Variants in TMTC1 observed in about 807,000 individuals in gnomAD.
TMTC1 encodes protein O-mannosyl-transferase TMTC1.
Under a neutral mutation model 104.8 loss-of-function variants are expected in TMTC1, and 73 were observed. The observed-to-expected ratio is 0.70, with a 90% CI of 0.58 to 0.85. TMTC1 has a LOEUF of 0.85. Ranked by LOEUF, TMTC1 falls within the 40% of genes least tolerant of loss-of-function variation. TMTC1 has a pLI of 0.00. For missense variants in TMTC1, 1,035 were observed against 1,096.1 expected, an observed-to-expected ratio of 0.94 and a Z score of 0.79; for synonymous variants, 434 against 428.7, an observed-to-expected ratio of 1.01 and a Z score of -0.15.
intron 5 of TMTC1, among the ~76,000 whole-genome samples, chr12:29,685,949 A>AAAAAAAAT (rs1941079256): frequency 3.4e-5 from 5 of 147,104 alleles, no homozygotes; most frequent in Non-Finnish European, 1.5e-5. Context: ...AAAAAAAAAA[A>AAAAAAAAT]GGTGAGCCTG....
At chr12:29,556,736 G>A in intron 10 of TMTC1, 121 bp downstream of exon 10, 1 of 1,308,430 alleles carries the variant, frequency 7.6e-7, no homozygotes. Context: ...CCCAAAGTCT[G>A]AAAACCCTAA....
chr12:29,720,983 C>T (rs1483938525), intron 5 of TMTC1, among the ~76,000 whole-genome samples: 1 of 152,034 alleles, frequency 6.6e-6, no homozygotes, highest in African/African-American at 2.4e-5. Flanking sequence ...AGCTAGAAGA[C>T]AGAACACTGG....
intron 6 of TMTC1, among the ~76,000 whole-genome samples, chr12:29,609,663 C>A (rs1220724723): frequency 6.6e-6 from 1 of 152,234 alleles, no homozygotes; most frequent in African/African-American, 2.4e-5. Flanking sequence ...TCATCTTCAA[C>A]GTTCTAACTC....
At chr12:29,517,188 A>G (rs1944011794) in intron 14 of TMTC1, among the ~76,000 whole-genome samples, 1 of 152,218 alleles carries the variant, frequency 6.6e-6, no homozygotes, top group South Asian at 2.1e-4. Flanking sequence ...GAAAGGGTAT[A>G]TGTAAATTTT....
intron 5 of TMTC1, among the ~76,000 whole-genome samples, chr12:29,685,632 C>T (rs776063771): frequency 6.6e-6 from 1 of 151,892 alleles, no homozygotes; most frequent in Non-Finnish European, 1.5e-5. Context: ...AAAAACATAA[C>T]TTTCAACCAG....
At chr12:29,728,020 C>T (rs568157326) in intron 5 of TMTC1, among the ~76,000 whole-genome samples, 17 of 152,288 alleles carry the variant, frequency 1.1e-4, no homozygotes, top group East Asian at 7.7e-4. Context: ...ATCTTCTGCG[C>T]GCCCAATAGC....
At chr12:29,757,381 TGAA>T (rs1477183842) in intron 3 of TMTC1, among the ~76,000 whole-genome samples, 1 of 152,196 alleles carries the variant, frequency 6.6e-6, no homozygotes, top group African/African-American at 2.4e-5. Flanking sequence ...CTAGATGCCA[TGAA>T]CACCACTTCA....
Position 29,506,525 on chromosome 12 carries a change from T to C in TMTC1, c.*321A>G. ...TGGGACAAAAAATGTCTAAACAGAA[T>C]TAGATCTCCAGGTCTCAAAAGCACA... On this transcript the variant is annotated 3_prime_UTR_variant, in exon 18 of 18. Coordinates refer to ENST00000539277, the MANE Select transcript of TMTC1 (RefSeq NM_001193451.2). The C allele has an allele frequency of 4.2e-6, 1 of 239,720 alleles. No individual in the cohort carries two copies. Among genetic ancestry groups the C allele is most frequent in the South Asian group, 8.5e-5 (1 of 11,790 alleles). 14.8% of individuals were successfully genotyped at this position (239,720 alleles called of 1,614,324 possible).
chr12:29,658,089 T>C (rs1416117956), intron 5 of TMTC1, among the ~76,000 whole-genome samples: 1 of 152,040 alleles, frequency 6.6e-6, no homozygotes, highest in African/African-American at 2.4e-5. Context: ...TGAGACTCCA[T>C]GTCAAAAAAA....
chr12:29,645,358 C>T (rs1263743366), intron 5 of TMTC1, among the ~76,000 whole-genome samples: 1 of 152,160 alleles, frequency 6.6e-6, no homozygotes, highest in African/African-American at 2.4e-5. Context: ...AAACATCCTC[C>T]TGAAGCTATG....
chr12:29,506,781 A>G lies in TMTC1; in HGVS notation c.*65T>C. ...TTGTGCCCCTGCTGATGTGAAAGCA[A>G]GGCTTCCATCACTCCCCTTTCAGAG... is the stretch of plus-strand genomic sequence containing the variant. On this transcript the variant is annotated 3_prime_UTR_variant, in exon 18 of 18. Transcript: ENST00000539277. The G allele has an allele frequency of 6.3e-7, 1 of 1,590,274 alleles. No homozygotes were observed. Among genetic ancestry groups the G allele is most frequent in the South Asian group, 1.1e-5 (1 of 89,914 alleles).
At chr12:29,734,127 T>C (rs1184536087) in intron 5 of TMTC1, among the ~76,000 whole-genome samples, 1 of 152,190 alleles carries the variant, frequency 6.6e-6, no homozygotes, top group Non-Finnish European at 1.5e-5. Flanking sequence ...GCACACTGCT[T>C]TCCCACTGAG....
chr12:29,642,638 A>G (rs1370811020), intron 5 of TMTC1, among the ~76,000 whole-genome samples: 2 of 152,132 alleles, frequency 1.3e-5, no homozygotes, highest in African/African-American at 4.8e-5. Context: ...AGAAAAATAA[A>G]AAATAGGCCA....
intron 5 of TMTC1, chr12:29,661,335 C>T: frequency 1.0e-6 from 1 of 979,314 alleles, no homozygotes; most frequent in Non-Finnish European, 1.2e-6. Context: ...AATTTGAAGG[C>T]TCCAATGTCT....
intron 3 of TMTC1, among the ~76,000 whole-genome samples, chr12:29,758,168 T>C (rs1270256961): frequency 6.6e-6 from 1 of 152,144 alleles, no homozygotes; most frequent in Non-Finnish European, 1.5e-5. Context: ...GGGAAATTAT[T>C]TTAAGGCTTT....
At chr12:29,646,533 G>A (rs905673007) in intron 5 of TMTC1, among the ~76,000 whole-genome samples, 1 of 152,116 alleles carries the variant, frequency 6.6e-6, no homozygotes, top group Non-Finnish European at 1.5e-5. Flanking sequence ...ATCCAGATCT[G>A]CATTTTTCAG....
At chr12:29,740,546 A>G (rs1418904351) in intron 5 of TMTC1, among the ~76,000 whole-genome samples, 1 of 152,144 alleles carries the variant, frequency 6.6e-6, no homozygotes, top group East Asian at 1.9e-4. Context: ...CAGACAGCCT[A>G]TTGTGGGACC....
chr12:29,670,724 T>A (rs1164072306), intron 5 of TMTC1, among the ~76,000 whole-genome samples: 1 of 150,700 alleles, frequency 6.6e-6, no homozygotes, highest in African/African-American at 2.4e-5. Flanking sequence ...AGCTTAGGAG[T>A]TCCAGACCAG....
chr12:29,647,881 C>A (rs539209587), intron 5 of TMTC1, among the ~76,000 whole-genome samples: 1 of 152,290 alleles, frequency 6.6e-6, no homozygotes, highest in East Asian at 1.9e-4. Flanking sequence ...GGCAATACTT[C>A]TTCCATCAAG....
Sources: allele counts gnomAD v4.1 joint callset (sites outside exome capture counted in the v4.1 genomes callset), GRCh38; gene constraint gnomAD v4.1.1; transcripts MANE v1.5; gene names NCBI Gene and HGNC (gene_info 2026-07-23, HGNC 2026-07-21).